Variants in LAMP3 observed in about 807,000 individuals in gnomAD.
LAMP3 encodes the protein lysosome-associated membrane glycoprotein 3.
LAMP3 carries 26 observed loss-of-function variants against 34.8 expected under a neutral mutation model. That is an observed-to-expected ratio of 0.75 (90% CI 0.55 to 1.04). The LOEUF is 1.04. LAMP3 is among the 50% of genes least tolerant of loss of function. The pLI, the probability that LAMP3 is intolerant of heterozygous loss-of-function variation, is 0.00. For missense variants in LAMP3, 495 were observed against 524.0 expected (o/e 0.94, Z 0.54); for synonymous variants, 180 against 201.9 (o/e 0.89, Z 0.92).
chr3:183,159,640 G>T (rs1313564159), intron 1 of LAMP3, among the ~76,000 whole-genome samples: 1 of 152,232 alleles, frequency 6.6e-6, no homozygotes, highest in African/African-American at 2.4e-5. Context: ...GAGCAGAAGG[G>T]CCACTATCCC....
intron 3 of LAMP3, among the ~76,000 whole-genome samples, chr3:183,143,426 C>A (rs926628618): frequency 6.6e-6 from 1 of 152,118 alleles, no homozygotes; most frequent in African/African-American, 2.4e-5. Flanking sequence ...CTATGTCTAG[C>A]CATGATGTCT....
chr3:183,154,235 A>G lies in LAMP3; in HGVS notation c.206T>C (p.Met69Thr), dbSNP rs747891848. ...TGTTTGAAAGGTGATATGACCATCC[A>G]TGAATCTTGCTGCTAAAGTTTGGTG... is the stretch of plus-strand genomic sequence containing the variant. ...APHQTLAARFMDGHITFQTAA... is the reference protein window; with the variant it reads ...APHQTLAARFTDGHITFQTAA... The change falls in exon 2 of 6, where the codon ATG (methionine) becomes ACG (threonine). Residue 69 changes from methionine to threonine, a missense_variant. Met to Thr is a moderately conservative substitution (Grantham distance 81). Coordinates refer to ENST00000265598, the MANE Select transcript of LAMP3 (RefSeq NM_014398.4). 1 of 1,614,110 alleles carries G rather than the reference A, an allele frequency of 6.2e-7. No individual in the cohort carries two copies. Among genetic ancestry groups the G allele is most frequent in the South Asian group, 1.1e-5 (1 of 91,074 alleles).
chr3:183,151,076 T>G (rs1178406889), intron 3 of LAMP3, among the ~76,000 whole-genome samples: 1 of 152,248 alleles, frequency 6.6e-6, no homozygotes, highest in African/African-American at 2.4e-5. Flanking sequence ...CACTCTTCAC[T>G]GAACATTGTT....
At chr3:183,148,581 G>A (rs1219928503) in intron 3 of LAMP3, among the ~76,000 whole-genome samples, 4 of 152,130 alleles carry the variant, frequency 2.6e-5, no homozygotes, top group African/African-American at 7.2e-5. Context: ...TGGCATACAG[G>A]TCTATGAAAA....
chr3:183,139,498 C>A (rs1720208517), intron 4 of LAMP3, among the ~76,000 whole-genome samples: 1 of 152,084 alleles, frequency 6.6e-6, no homozygotes, highest in African/African-American at 2.4e-5. Flanking sequence ...TGCCTGAAGC[C>A]ATGGATAGTA....
At chr3:183,132,322 T>A (rs926278120) in intron 5 of LAMP3, 3 of 926,798 alleles carry the variant, frequency 3.2e-6, no homozygotes, top group Middle Eastern at 5.6e-4. Context: ...ATCTATAATT[T>A]AAGTAAACAA....
intron 5 of LAMP3, chr3:183,131,962 G>A (rs773119247): frequency 1.7e-5 from 17 of 985,386 alleles, no homozygotes; most frequent in Non-Finnish European, 1.6e-5. Flanking sequence ...TAAAAGGGAA[G>A]TGAGTGATCC....
chr3:183,135,223 G>A (rs1720045582), intron 5 of LAMP3, among the ~76,000 whole-genome samples: 1 of 152,116 alleles, frequency 6.6e-6, no homozygotes, highest in African/African-American at 2.4e-5. Context: ...GGAGACGAGG[G>A]GCTCCAACAG....
chr3:183,154,518 T>C, intron 1 of LAMP3, 127 bp from the exon 2 acceptor site: 2 of 688,690 alleles, frequency 2.9e-6, no homozygotes, highest in Non-Finnish European at 4.8e-6. Flanking sequence ...TTGGGGGAAA[T>C]TTGCAAGGGT....
intron 3 of LAMP3, among the ~76,000 whole-genome samples, chr3:183,148,962 G>A (rs931393542): frequency 6.6e-5 from 10 of 152,092 alleles, no homozygotes; most frequent in Admixed American, 5.2e-4. Flanking sequence ...ACATATGAAT[G>A]GATAAAGAAA....
upstream of LAMP3, chr3:183,162,873 G>A: frequency 5.7e-6 from 3 of 526,268 alleles, no homozygotes; most frequent in Non-Finnish European, 9.9e-6. Context: ...CAGCCGCCGG[G>A]GCCCGGGCCT....
rs146349260 is a variant in LAMP3 at position 183,158,727 on chromosome 3, C to A, written c.49+3880G>T. Among the ~76,000 whole-genome samples, 853 of 152,184 alleles carry A rather than the reference C, an allele frequency of 5.6e-3. 11 individuals are homozygous for A. The highest frequency in any genetic ancestry group is 0.02 in the African/African-American group (816 of 41,496). On this transcript the variant is annotated intron_variant, in intron 1 of 5. Transcript: ENST00000265598. ...TGACAGCCAGTCCCTTCCCAGACAG[C>A]CTTTGGTTGGTTTCCCTGCCACACC...
chr3:183,127,618 T>A (rs1176925901), intron 5 of LAMP3, among the ~76,000 whole-genome samples: 2 of 152,210 alleles, frequency 1.3e-5, no homozygotes, highest in African/African-American at 4.8e-5. Flanking sequence ...AATGGCCTGT[T>A]AAATGAAAAA....
Position 183,153,901 on chromosome 3 carries a change from T to C in LAMP3, c.540A>G (p.Thr180=). 2 of 1,614,184 alleles carry C rather than the reference T, an allele frequency of 1.2e-6. No homozygotes were observed. Among genetic ancestry groups the C allele is most frequent in the Non-Finnish European group, 1.7e-6 (2 of 1,180,026 alleles). The change falls in exon 2 of 6, where the codon ACA becomes ACG. Residue 180 remains threonine (T), a synonymous_variant. Transcript: ENST00000265598. ...ATLSIALHKS[T]TGQKPVQPTH... is the part of the protein sequence containing the mutation. ...TGGGTTGAACAGGCTTCTGACCGGTTGTGCTTTTGTGCAGTGCTATCGATA... is the reference window on the plus strand; with the variant it reads ...TGGGTTGAACAGGCTTCTGACCGGTCGTGCTTTTGTGCAGTGCTATCGATA...
In LAMP3 at chr3:183,135,767, G is replaced by A. The variant is rs781287332; in HGVS notation, c.1067C>T (p.Thr356Ile). The A allele has an allele frequency of 6.2e-7, 1 of 1,614,178 alleles. No individual in the cohort carries two copies. Among genetic ancestry groups the A allele is most frequent in the South Asian group, 1.1e-5 (1 of 91,082 alleles). Reference protein sequence around the residue: ...QLSAHLQVKTTDVQLQAFDFE... With the variant: ...QLSAHLQVKTIDVQLQAFDFE... ...ATCAAAGGCTTGAAGTTGGACATCG[G>A]TTGTTTTCACCTGCAGGTGGGCTGA... Residue 356 changes from threonine to isoleucine, a missense_variant, in exon 5 of 6, where the codon ACC becomes ATC. Transcript: ENST00000265598.
intron 3 of LAMP3, among the ~76,000 whole-genome samples, chr3:183,142,590 T>C (rs995423470): frequency 6.6e-6 from 1 of 151,888 alleles, no homozygotes; most frequent in African/African-American, 2.4e-5. Flanking sequence ...GAGTTAAGCA[T>C]CTACCGCAGA....
At chr3:183,152,230 C>T (rs1720657927) in intron 3 of LAMP3, 145 bp downstream of exon 3, 2 of 872,792 alleles carry the variant, frequency 2.3e-6, no homozygotes, top group Admixed American at 2.9e-5. Context: ...AAGATGTTGA[C>T]ACTTCCTCCT....
intron 3 of LAMP3, among the ~76,000 whole-genome samples, chr3:183,144,081 C>T (rs921969621): frequency 6.6e-6 from 1 of 152,178 alleles, no homozygotes; most frequent in Non-Finnish European, 1.5e-5. Context: ...CCCAGCTGTT[C>T]AGGATGTGGA....
At chr3:183,150,565 C>CTTTTTTTTT (rs10665288) in intron 3 of LAMP3, among the ~76,000 whole-genome samples, 2 of 86,092 alleles carry the variant, frequency 2.3e-5, no homozygotes, top group Non-Finnish European at 4.4e-5. Flanking sequence ...GCCAAAGTGA[C>CTTTTTTTTT]TTTTTTTTTT....
Sources: allele counts gnomAD v4.1 joint callset (sites outside exome capture counted in the v4.1 genomes callset), GRCh38; gene constraint gnomAD v4.1.1; transcripts MANE v1.5; gene names NCBI Gene and HGNC (gene_info 2026-07-23, HGNC 2026-07-21).